NFATC2: variants seen among roughly 807,000 people sequenced by gnomAD.
The protein encoded by NFATC2 is nuclear factor of activated T cells 2.
Under a neutral mutation model 87.3 loss-of-function variants are expected in NFATC2, and 22 were observed. That is an observed-to-expected ratio of 0.25 (90% CI 0.18 to 0.36). The LOEUF (loss-of-function observed/expected upper bound fraction) is 0.36, where lower values mean the gene tolerates loss of function less well. NFATC2 is among the 10% of genes least tolerant of loss of function. NFATC2 has a pLI of 1.00. For synonymous variants in NFATC2, 565 were observed against 542.2 expected (o/e 1.04, Z -0.58); for missense variants, 1,149 against 1,259.1 (o/e 0.91, Z 1.32).
chr20:51,399,620 T>A (rs534755442), intron 9 of NFATC2, among the ~76,000 whole-genome samples: 1 of 152,350 alleles, frequency 6.6e-6, no homozygotes, highest in Admixed American at 6.5e-5. Flanking sequence ...AATGTTGGGC[T>A]CCAACAGGAA....
chr20:51,493,766 G>A (rs759665560), intron 3 of NFATC2, among the ~76,000 whole-genome samples: 4 of 152,148 alleles, frequency 2.6e-5, no homozygotes, highest in Non-Finnish European at 5.9e-5. Context: ...CTCATCAGTG[G>A]CAACCTCAGC....
chr20:51,395,632 TGA>T (rs1986963756), intron 10 of NFATC2, among the ~76,000 whole-genome samples: 1 of 107,226 alleles, frequency 9.3e-6, no homozygotes, highest in Non-Finnish European at 1.9e-5. Context: ...TGATGGAGAA[TGA>T]TCTCAGGGTG....
rs562789598 is a variant in NFATC2, at chr20:51,541,935, C to A, written c.130+435G>T. ...CCTTGATAACTGGGTTCAGCTGCAC[C>A]CCCCTTCCTTCTTTTTTTGGCAACT... On this transcript the variant is annotated intron_variant, in intron 1 of 10. Transcript: ENST00000371564. Among the ~76,000 whole-genome samples the A allele has an allele frequency of 2.6e-4, 39 of 152,170 alleles. 2 individuals carry two copies. Among genetic ancestry groups the A allele is most frequent in the African/African-American group, 8.9e-4 (37 of 41,518 alleles).
intron 6 of NFATC2, among the ~76,000 whole-genome samples, chr20:51,442,197 C>A (rs1307688570): frequency 1.3e-5 from 2 of 152,046 alleles, no homozygotes; most frequent in Non-Finnish European, 2.9e-5. Context: ...TTTGGGAAGC[C>A]GAGGTGGGTG....
chr20:51,543,708 T>C (rs1322686656), upstream of NFATC2, among the ~76,000 whole-genome samples: 1 of 152,196 alleles, frequency 6.6e-6, no homozygotes, highest in Non-Finnish European at 1.5e-5. Flanking sequence ...CGTGAATGTG[T>C]ATTTTTAATT....
chr20:51,412,999 C>A lies in NFATC2; in HGVS notation c.2723-14269G>T, dbSNP rs1408391054. ...CCCCCCATCCCCCGCTCCCGCCGCCCCCCCCCCTCCCCGCCAAACACATGG... is the reference window on the plus strand; with the variant it reads ...CCCCCCATCCCCCGCTCCCGCCGCCACCCCCCCTCCCCGCCAAACACATGG... On this transcript the variant is annotated intron_variant, in intron 9 of 10. Transcript: ENST00000371564. 1.5e-4 allele frequency among the ~76,000 whole-genome samples: 19 copies of A among 130,384 alleles called. 1 individual carries two copies. Among genetic ancestry groups the A allele is most frequent in the Non-Finnish European group, 2.5e-4 (15 of 61,044 alleles). 85.5% of individuals were successfully genotyped at this position (130,384 alleles called of 152,430 possible).
intron 1 of NFATC2, among the ~76,000 whole-genome samples, chr20:51,539,547 G>T (rs1034062273): frequency 6.6e-6 from 1 of 152,074 alleles, no homozygotes; most frequent in African/African-American, 2.4e-5. Context: ...GCAGTGGCAC[G>T]ATCACGGCTC....
intron 3 of NFATC2, among the ~76,000 whole-genome samples, chr20:51,499,612 C>T (rs973305390): frequency 2.6e-5 from 4 of 151,738 alleles, no homozygotes; most frequent in African/African-American, 4.8e-5. Context: ...ATTAGCCAGG[C>T]GTGGTGGCTA....
rs148815651 is a variant in NFATC2 at position 51,548,705 on chromosome 20, G to A, written c.70+13855C>T. 4.1e-3 allele frequency among the ~76,000 whole-genome samples: 631 copies of A among 152,288 alleles called. 3 individuals carry two copies. Among genetic ancestry groups the A allele is most frequent in the African/African-American group, 0.015 (604 of 41,540 alleles). ...TCCCCAGATCCTAGACTGGTACCCA[G>A]TACATGGTAGCTTCTCACTAAAAAG... On this transcript the variant is annotated intron_variant, in intron 1 of 10. Coordinates refer to the NFATC2 transcript ENST00000414705.
chr20:51,531,265 A>G (rs939765846), intron 1 of NFATC2, among the ~76,000 whole-genome samples: 2 of 152,242 alleles, frequency 1.3e-5, no homozygotes, highest in African/African-American at 4.8e-5. Flanking sequence ...GACTGCTGGA[A>G]GCATCAACTC....
intron 6 of NFATC2, among the ~76,000 whole-genome samples, chr20:51,439,654 T>C (rs1203529536): frequency 6.6e-6 from 1 of 152,148 alleles, no homozygotes; most frequent in African/African-American, 2.4e-5. Context: ...CTGCCAGGCC[T>C]TCCACAACAC....
chr20:51,463,066 T>C (rs1987318322), intron 5 of NFATC2, among the ~76,000 whole-genome samples: 1 of 152,240 alleles, frequency 6.6e-6, no homozygotes, highest in Non-Finnish European at 1.5e-5. Context: ...TGTCTCTGTA[T>C]CAGGCCCCAT....
intron 3 of NFATC2, among the ~76,000 whole-genome samples, chr20:51,488,501 CA>C (rs139282222): frequency 0.016 from 2,400 of 152,172 alleles, 73 homozygotes; most frequent in African/African-American, 0.055. Flanking sequence ...CTGTGATGCA[CA>C]AAAAAGTCTC....
intron 3 of NFATC2, among the ~76,000 whole-genome samples, chr20:51,477,322 C>T (rs1366161545): frequency 6.6e-6 from 1 of 151,632 alleles, no homozygotes; most frequent in Non-Finnish European, 1.5e-5. Context: ...TTCCATCCAT[C>T]CAGTTATAAT....
At chr20:51,478,543 C>T (rs1440778783) in intron 3 of NFATC2, among the ~76,000 whole-genome samples, 3 of 152,184 alleles carry the variant, frequency 2.0e-5, no homozygotes, top group Admixed American at 6.5e-5. Context: ...TCCATCCCCG[C>T]TCTTGTTGGC....
intron 3 of NFATC2, among the ~76,000 whole-genome samples, chr20:51,479,444 C>T (rs114350344): frequency 1.2e-3 from 183 of 152,160 alleles, no homozygotes; most frequent in African/African-American, 4.3e-3. Flanking sequence ...ATGGCCTGAC[C>T]CGTCTCCACC....
intron 1 of NFATC2, among the ~76,000 whole-genome samples, chr20:51,549,646 C>T (rs1263644505): frequency 6.6e-6 from 1 of 152,266 alleles, no homozygotes; most frequent in Non-Finnish European, 1.5e-5. Context: ...TTAAGCAAGA[C>T]ACCTTCAGTG....
At chr20:51,518,737 C>T (rs1471519089) in intron 2 of NFATC2, among the ~76,000 whole-genome samples, 3 of 152,192 alleles carry the variant, frequency 2.0e-5, no homozygotes, top group Non-Finnish European at 4.4e-5. Context: ...ACTACTCATT[C>T]ATTTATTGAC....
At chr20:51,412,398 C>G (rs1253312659) in intron 9 of NFATC2, among the ~76,000 whole-genome samples, 4 of 152,220 alleles carry the variant, frequency 2.6e-5, no homozygotes, top group Admixed American at 2.6e-4. Flanking sequence ...AGGAACAGAA[C>G]AGGAAACTAG....
Sources: gnomAD v4.1 joint callset for allele counts (sites outside exome capture counted in the v4.1 genomes callset) on GRCh38, gnomAD v4.1.1 for gene constraint, MANE v1.5 for transcripts, NCBI Gene and HGNC (gene_info 2026-07-23, HGNC 2026-07-21) for gene names.